Variants in SULF2 observed in about 807,000 individuals in gnomAD.
SULF2 encodes the protein extracellular sulfatase Sulf-2.
Under a neutral mutation model 107.7 loss-of-function variants are expected in SULF2, and 52 were observed. The observed-to-expected ratio is 0.48, with a 90% confidence interval of 0.39 to 0.61. The LOEUF is 0.61. Among genes scored for constraint, SULF2 ranks in the 20% least tolerant of loss-of-function variants. The pLI is 0.00. For synonymous variants in SULF2, 460 were observed against 464.3 expected, an observed-to-expected ratio of 0.99 and a Z score of 0.12; for missense variants, 993 against 1,177.3, an observed-to-expected ratio of 0.84 and a Z score of 2.29.
chr20:47,778,915 A>G (rs949998263), intron 1 of SULF2, among the ~76,000 whole-genome samples: 1 of 152,244 alleles, frequency 6.6e-6, no homozygotes, highest in Non-Finnish European at 1.5e-5. Flanking sequence ...AGCTTAAAAT[A>G]ACATCAATAT....
chr20:47,695,955 T>C (rs896858268), intron 4 of SULF2, among the ~76,000 whole-genome samples: 10 of 152,220 alleles, frequency 6.6e-5, no homozygotes, highest in Admixed American at 5.9e-4. Flanking sequence ...TTTTTGTATA[T>C]ACCATGTGAA....
chr20:47,743,777 G>A (rs1010656847), intron 2 of SULF2, among the ~76,000 whole-genome samples: 7 of 152,052 alleles, frequency 4.6e-5, no homozygotes, highest in South Asian at 2.1e-4. Context: ...CCTACTGTGC[G>A]CTCTCTCTCT....
intron 3 of SULF2, among the ~76,000 whole-genome samples, chr20:47,703,849 A>G (rs552708562): frequency 7.3e-4 from 111 of 152,362 alleles, no homozygotes; most frequent in Middle Eastern, 3.4e-3. Flanking sequence ...CTAGTGCTAC[A>G]TTCAAGAACA....
chr20:47,663,019 C>T (rs768761861), intron 17 of SULF2, 51 bp downstream of exon 17: 1 of 1,605,914 alleles, frequency 6.2e-7, no homozygotes, highest in South Asian at 1.1e-5. Flanking sequence ...GCCTACCTGG[C>T]AGCACTGGTG....
chr20:47,690,361 T>C, intron 4 of SULF2, 66 bp from the exon 5 acceptor site: 1 of 1,287,278 alleles, frequency 7.8e-7, no homozygotes, highest in South Asian at 2.4e-5. Context: ...GTCCACTACG[T>C]GCCAGGCACC....
chr20:47,671,979 G>C (rs1286198486), intron 11 of SULF2, among the ~76,000 whole-genome samples: 1 of 152,216 alleles, frequency 6.6e-6, no homozygotes, highest in Non-Finnish European at 1.5e-5. Flanking sequence ...CAAAGTACTG[G>C]GATTACAGGC....
chr20:47,694,007 C>T lies in SULF2; in HGVS notation c.568-3712G>A, dbSNP rs2088290618. ...GATTTCTCCATGTCTGAGAGCTCCC[C>T]TCCTTATCCATCCTCCTCAGTGGCC... On this transcript the variant is annotated intron_variant, in intron 4 of 20. Transcript: ENST00000688720. The surrounding 1 kb of genome is among the most constrained non-coding windows in gnomAD (Gnocchi z 4.4). 6.6e-6 allele frequency among the ~76,000 whole-genome samples: 1 copy of T among 152,196 alleles called. No individual in the cohort carries two copies.
intron 3 of SULF2, among the ~76,000 whole-genome samples, chr20:47,723,364 A>G (rs1435947327): frequency 1.3e-5 from 2 of 152,180 alleles, no homozygotes; most frequent in African/African-American, 4.8e-5. Flanking sequence ...AGGAGTACTA[A>G]CCGACACAGG....
At position 47,676,503 on chromosome 20, in the gene SULF2, C is replaced by A; in HGVS notation, c.1371G>T (p.Gln457His). The part of the protein sequence containing the change: ...QRAEYQTACE[Q>H]LGQKWQCVED... ...AAGGGAGCCTTCTTACCTGTCCCAG[C>A]TGCTCACACGCCGTCTGGTACTCAG... is the stretch of plus-strand genomic sequence containing the variant. The change falls in exon 10 of 21, where the codon CAG becomes CAT. Residue 457 changes from glutamine (Q) to histidine (H), a missense_variant. Gln to His is a conservative substitution (Grantham distance 24, BLOSUM62 0). Coordinates refer to ENST00000688720, the MANE Select transcript of SULF2 (RefSeq NM_001387048.1). The A allele has an allele frequency of 6.2e-7, 1 of 1,608,178 alleles. No individual in the cohort carries two copies.
chr20:47,716,558 G>C (rs2089128735), intron 3 of SULF2, among the ~76,000 whole-genome samples: 1 of 152,162 alleles, frequency 6.6e-6, no homozygotes, highest in Admixed American at 6.5e-5. Context: ...TACAATTAAT[G>C]AGAAGAGTTG....
chr20:47,699,521 G>T lies in SULF2; in HGVS notation c.567+2998C>A, dbSNP rs778932113. 1.0e-3 allele frequency among the ~76,000 whole-genome samples: 153 copies of T among 151,088 alleles called. 1 individual carries two copies. The highest frequency in any genetic ancestry group is 3.0e-3 in the Admixed American group (45 of 15,214). ...GGGTATGCTTGTTTTTCAGATTTGG[G>T]AGTTGAGGCTCTTAGGAGTACGTAG... On this transcript the variant is annotated intron_variant, in intron 4 of 20. Coordinates refer to ENST00000688720, the MANE Select transcript of SULF2 (RefSeq NM_001387048.1).
chr20:47,780,118 G>A (rs946768356), intron 1 of SULF2, among the ~76,000 whole-genome samples: 3 of 150,144 alleles, frequency 2.0e-5, no homozygotes, highest in Non-Finnish European at 4.4e-5. Flanking sequence ...CCGGGTTCAA[G>A]TGATTCTCCT....
intron 18 of SULF2, among the ~76,000 whole-genome samples, chr20:47,661,162 C>T (rs552418689): frequency 2.0e-5 from 3 of 152,246 alleles, no homozygotes; most frequent in African/African-American, 7.2e-5. Flanking sequence ...CGCCACTCTC[C>T]ACTGGCCTCA....
In SULF2 at chr20:47,719,395, T is replaced by G. The variant is rs1398026795; in HGVS notation, c.416-16725A>C. 6.8e-4 allele frequency among the ~76,000 whole-genome samples: 104 copies of G among 152,330 alleles called. 1 individual carries two copies. The highest frequency in any genetic ancestry group is 2.4e-4 in the Non-Finnish European group (16 of 68,030). On this transcript the variant is annotated intron_variant, in intron 3 of 20. Coordinates refer to ENST00000688720, the MANE Select transcript of SULF2 (RefSeq NM_001387048.1). Reference sequence around the variant, plus strand: ...AGGGAAGTGAGCTTCCCTTATAGTTTCTGTGTCCTGCTGGTTGGATGCAGA... The same window carrying G: ...AGGGAAGTGAGCTTCCCTTATAGTTGCTGTGTCCTGCTGGTTGGATGCAGA...
chr20:47,666,112 G>C lies in SULF2; in HGVS notation c.1805+148C>G. 6.2e-7 allele frequency: 1 copy of C among 1,612,612 alleles called. No homozygotes were observed. Among genetic ancestry groups the C allele is most frequent in the Non-Finnish European group, 8.5e-7 (1 of 1,179,356 alleles). ...CCGATGTGTCACTTTAATGGGGTTG[G>C]CGGCTGAATAGTCGGGAAGGCCTCC... On this transcript the variant is annotated intron_variant, in intron 12 of 20. Coordinates refer to ENST00000688720, the MANE Select transcript of SULF2 (RefSeq NM_001387048.1). This position sits in a 1 kb window ranked among gnomAD's most constrained non-coding sequence, Gnocchi z 5.4.
intron 3 of SULF2, among the ~76,000 whole-genome samples, chr20:47,736,395 A>G (rs1184791724): frequency 6.6e-6 from 1 of 152,186 alleles, no homozygotes; most frequent in Non-Finnish European, 1.5e-5. Flanking sequence ...AACTATTAAC[A>G]GAGGATGCAA....
intron 1 of SULF2, among the ~76,000 whole-genome samples, chr20:47,759,039 C>A (rs1430570206): frequency 6.6e-6 from 1 of 152,176 alleles, no homozygotes; most frequent in Non-Finnish European, 1.5e-5. Context: ...CCTCCATTTT[C>A]CCAGGGCAGC....
intron 5 of SULF2, among the ~76,000 whole-genome samples, chr20:47,687,990 T>C (rs2088068893): frequency 6.6e-6 from 1 of 152,156 alleles, no homozygotes; most frequent in African/African-American, 2.4e-5. Context: ...TTTGCATGTC[T>C]TTGTGTGTGT....
At chr20:47,712,497 T>G (rs1434129483) in intron 3 of SULF2, among the ~76,000 whole-genome samples, 1 of 152,198 alleles carries the variant, frequency 6.6e-6, no homozygotes, top group Non-Finnish European at 1.5e-5. Flanking sequence ...TTTGTTTTCT[T>G]GTTTATCCTC....
Sources: gnomAD v4.1 joint callset for allele counts (sites outside exome capture counted in the v4.1 genomes callset) on GRCh38, gnomAD v4.1.1 for gene constraint, Gnocchi (gnomAD v3.1) non-coding constraint, MANE v1.5 for transcripts, NCBI Gene and HGNC (gene_info 2026-07-23, HGNC 2026-07-21) for gene names.